OTOGL: variants seen among roughly 807,000 people sequenced by gnomAD.
OTOGL encodes otogelin like.
A neutral mutation model predicts 318.5 loss-of-function variants in OTOGL; 285 were observed. That is an observed-to-expected ratio of 0.89 (90% CI 0.81 to 0.99). OTOGL has a LOEUF of 0.99. OTOGL is among the 50% of genes least tolerant of loss of function. The pLI, the probability that OTOGL is intolerant of heterozygous loss-of-function variation, is 0.00. For missense variants in OTOGL, 2,899 were observed against 2,845.6 expected, an observed-to-expected ratio of 1.02 and a Z score of -0.43; for synonymous variants, 987 against 936.5, an observed-to-expected ratio of 1.05 and a Z score of -0.99.
chr12:80,197,335 ATTTGGCCC>A (rs1207540390), intron 1 of OTOGL, among the ~76,000 whole-genome samples: 1 of 151,812 alleles, frequency 6.6e-6, no homozygotes, highest in Non-Finnish European at 1.5e-5. Flanking sequence ...GGTCACTCAT[ATTTGGCCC>A]AGCCTCCCAA....
At chr12:80,165,615 A>G (rs1049643419) in intron 1 of OTOGL, among the ~76,000 whole-genome samples, 1 of 152,198 alleles carries the variant, frequency 6.6e-6, no homozygotes, top group African/African-American at 2.4e-5. Context: ...AGTTGATTGG[A>G]TGCACCAGTA....
chr12:80,234,425 T>A (rs577610229), intron 9 of OTOGL, among the ~76,000 whole-genome samples: 24 of 152,318 alleles, frequency 1.6e-4, no homozygotes, highest in Admixed American at 1.4e-3. Flanking sequence ...TTTGCCCCTA[T>A]GTTATGTTTT....
Position 80,379,668 on chromosome 12 carries a change from ATGT to A in OTOGL, c.*1624_*1626del, listed in dbSNP as rs1442900410. On this transcript the variant is annotated 3_prime_UTR_variant, in exon 59 of 59. Coordinates refer to ENST00000547103, the MANE Select transcript of OTOGL (RefSeq NM_001378609.3). ...TATGTATTTCAAATAGAAGTAACTA[ATGT>A]TGTATATTATCTATTGCCCATTTTT... The A allele has an allele frequency of 9.9e-5, 15 of 151,910 alleles. No homozygotes were observed. Among genetic ancestry groups the A allele is most frequent in the African/African-American group, 1.2e-4 (5 of 41,416 alleles). The allele number at this position is 151,910 out of a possible 1,614,324, so 9.4% of individuals were successfully genotyped here.
chr12:80,142,072 T>C (rs550493904), intron 1 of OTOGL, among the ~76,000 whole-genome samples: 34 of 152,196 alleles, frequency 2.2e-4, no homozygotes, highest in African/African-American at 7.9e-4. Flanking sequence ...GGGAGAACTT[T>C]TGAGTTTCTG....
At chr12:80,130,192 A>G (rs1338897952) in intron 1 of OTOGL, among the ~76,000 whole-genome samples, 2 of 152,206 alleles carry the variant, frequency 1.3e-5, no homozygotes, top group Non-Finnish European at 2.9e-5. Context: ...TGAACAAGTC[A>G]TTCCATCATG....
At chr12:80,324,455 A>G (rs571048996) in intron 35 of OTOGL, among the ~76,000 whole-genome samples, 6 of 152,344 alleles carry the variant, frequency 3.9e-5, no homozygotes, top group Middle Eastern at 3.4e-3. Context: ...AGATGAGACC[A>G]GAGAATCATA....
intron 35 of OTOGL, among the ~76,000 whole-genome samples, chr12:80,326,848 G>C (rs896265848): frequency 6.6e-6 from 1 of 152,164 alleles, no homozygotes; most frequent in African/African-American, 2.4e-5. Flanking sequence ...TTTAAAAAGT[G>C]TTGCCTGGAT....
chr12:80,158,292 T>G (rs1565882644), intron 1 of OTOGL, among the ~76,000 whole-genome samples: 1 of 152,084 alleles, frequency 6.6e-6, no homozygotes, highest in Non-Finnish European at 1.5e-5. Flanking sequence ...TGCAGAAAAT[T>G]TAATATATTT....
chr12:80,292,492 C>A (rs999211210), intron 26 of OTOGL, among the ~76,000 whole-genome samples: 1 of 152,188 alleles, frequency 6.6e-6, no homozygotes, highest in African/African-American at 2.4e-5. Context: ...TCTGATGGCA[C>A]AATCTCCAAA....
At chr12:80,145,410 G>C (rs1872276004) in intron 1 of OTOGL, among the ~76,000 whole-genome samples, 1 of 151,854 alleles carries the variant, frequency 6.6e-6, no homozygotes, top group East Asian at 1.9e-4. Flanking sequence ...CTGTTCCATT[G>C]ATCTATATCT....
chr12:80,240,949 C>A (rs890315011), intron 11 of OTOGL, among the ~76,000 whole-genome samples: 44 of 152,100 alleles, frequency 2.9e-4, no homozygotes, highest in African/African-American at 1.0e-3. Context: ...TCATCTTGAA[C>A]CTTCAAGAGT....
intron 1 of OTOGL, among the ~76,000 whole-genome samples, chr12:80,182,863 T>C (rs1254817709): frequency 6.6e-6 from 1 of 152,166 alleles, no homozygotes; most frequent in Non-Finnish European, 1.5e-5. Context: ...AAGTTTGCAC[T>C]TGGAAAGATC....
At chr12:80,350,371 T>C (rs1263096276) in intron 44 of OTOGL, among the ~76,000 whole-genome samples, 1 of 152,246 alleles carries the variant, frequency 6.6e-6, no homozygotes, top group African/African-American at 2.4e-5. Flanking sequence ...AACATGGATG[T>C]GCAGACATCT....
chr12:80,313,375 G>A, intron 30 of OTOGL, 101 bp from the exon 31 acceptor site: 1 of 1,164,278 alleles, frequency 8.6e-7, no homozygotes, highest in Non-Finnish European at 1.2e-6. Context: ...GTGTTAAGCT[G>A]ATAATATCAA....
At chr12:80,158,150 T>G (rs1205516637) in intron 1 of OTOGL, among the ~76,000 whole-genome samples, 1 of 152,108 alleles carries the variant, frequency 6.6e-6, no homozygotes, top group East Asian at 1.9e-4. Flanking sequence ...GTTTTGTTTT[T>G]AAAAAAACAA....
chr12:80,320,538 G>A lies in OTOGL; in HGVS notation c.3919G>A (p.Ala1307Thr), dbSNP rs373160033. The A allele has an allele frequency of 2.9e-5, 47 of 1,613,506 alleles. No homozygotes were observed. Among genetic ancestry groups the A allele is most frequent in the Middle Eastern group, 1.6e-4 (1 of 6,082 alleles). The change falls in exon 34 of 59, where the codon GCA becomes ACA. Residue 1307 changes from alanine to threonine, a missense_variant. By Grantham distance (58) the Ala-to-Thr change is moderately conservative. This residue lies in a region of OTOGL where 2,607 missense variants were observed against 2,524.9 expected (regional missense o/e 1.03). Coordinates refer to ENST00000547103, the MANE Select transcript of OTOGL (RefSeq NM_001378609.3). Reference sequence around the variant, plus strand: ...GGCGAATTCAGCCTTTCATCGGAGAGCAACATTTTTCCACCATCAGGGCCT... The same window carrying A: ...GGCGAATTCAGCCTTTCATCGGAGAACAACATTTTTCCACCATCAGGGCCT... ...WEANSAFHRR[A>T]TFFHHQGLWI...
Position 80,152,367 on chromosome 12 carries a change from T to C in OTOGL, c.-20+52762T>C, listed in dbSNP as rs1003950410. ...AGAGAAAGCAGAGGCCCAATCAGTTTTATGCTTCATTCTTTGCTAAGGAAG... is the reference window on the plus strand; with the variant it reads ...AGAGAAAGCAGAGGCCCAATCAGTTCTATGCTTCATTCTTTGCTAAGGAAG... On this transcript the variant is annotated intron_variant, in intron 1 of 58. Coordinates refer to ENST00000547103, the MANE Select transcript of OTOGL (RefSeq NM_001378609.3). 2.0e-5 allele frequency among the ~76,000 whole-genome samples: 3 copies of C among 152,180 alleles called. No homozygotes were observed. In the South Asian group the frequency reaches 6.2e-4, roughly 32 times the overall value.
intron 8 of OTOGL, among the ~76,000 whole-genome samples, chr12:80,232,347 G>T (rs947203892): frequency 6.6e-6 from 1 of 151,982 alleles, no homozygotes; most frequent in Admixed American, 6.6e-5. Context: ...AGAAAACAAT[G>T]ACTTATGTCA....
At chr12:80,165,745 C>T (rs773613159) in intron 1 of OTOGL, among the ~76,000 whole-genome samples, 1 of 152,232 alleles carries the variant, frequency 6.6e-6, no homozygotes, top group African/African-American at 2.4e-5. Context: ...CTACAGCTGC[C>T]CTGAGTTCTG....
Sources: gnomAD v4.1 joint callset for allele counts (sites outside exome capture counted in the v4.1 genomes callset) on GRCh38, gnomAD v4.1.1 for gene constraint, gnomAD v4.1.1 regional missense constraint, MANE v1.5 for transcripts, NCBI Gene and HGNC (gene_info 2026-07-23, HGNC 2026-07-21) for gene names.